Variants in NTM observed in about 807,000 individuals in gnomAD.
The protein encoded by NTM is neurotrimin.
Under a neutral mutation model 42.1 loss-of-function variants are expected in NTM, and 13 were observed. The ratio of observed to expected loss-of-function variants is 0.31; its 90% CI spans 0.20 to 0.49. The LOEUF is 0.49. Among genes scored for constraint, NTM ranks in the 20% least tolerant of loss-of-function variants. The pLI is 0.99. For missense variants in NTM, 373 were observed against 452.8 expected, an observed-to-expected ratio of 0.82 and a Z score of 1.60; for synonymous variants, 187 against 179.2, an observed-to-expected ratio of 1.04 and a Z score of -0.35.
chr11:131,435,784 C>A (rs911436604), intron 1 of NTM, among the ~76,000 whole-genome samples: 4 of 152,204 alleles, frequency 2.6e-5, no homozygotes, highest in African/African-American at 9.7e-5. Flanking sequence ...TTATTTCTTT[C>A]TCTTGCCTGA....
At chr11:131,491,119 CAA>C (rs1482047440) in intron 1 of NTM, among the ~76,000 whole-genome samples, 2 of 149,550 alleles carry the variant, frequency 1.3e-5, no homozygotes, top group African/African-American at 4.8e-5. Flanking sequence ...GAAAGAAACT[CAA>C]AGTTTTTCAA....
chr11:132,088,128 C>A (rs558372281), intron 2 of NTM, among the ~76,000 whole-genome samples: 60 of 152,118 alleles, frequency 3.9e-4, no homozygotes, highest in Non-Finnish European at 7.5e-4. Flanking sequence ...GTGGAACACC[C>A]CCAATATTGT....
intron 1 of NTM, among the ~76,000 whole-genome samples, chr11:131,571,699 G>A (rs751181444): frequency 7.9e-5 from 12 of 152,188 alleles, no homozygotes; most frequent in Non-Finnish European, 1.2e-4. Flanking sequence ...TAAAGAGCAC[G>A]GTGTAAAAAG....
intron 5 of NTM, among the ~76,000 whole-genome samples, chr11:132,309,736 A>G (rs941150149): frequency 6.6e-6 from 1 of 152,216 alleles, no homozygotes; most frequent in African/African-American, 2.4e-5. Context: ...ACTGAGAAAC[A>G]AAATCAACAA....
At chr11:131,503,980 C>T (rs1014294946) in intron 1 of NTM, among the ~76,000 whole-genome samples, 7 of 152,144 alleles carry the variant, frequency 4.6e-5, no homozygotes, top group South Asian at 2.1e-4. Flanking sequence ...TAAGGCCAGG[C>T]GGGTCAGAGC....
At chr11:131,676,133 A>AT (rs2071341371) in intron 1 of NTM, among the ~76,000 whole-genome samples, 1 of 152,128 alleles carries the variant, frequency 6.6e-6, no homozygotes, top group Non-Finnish European at 1.5e-5. Flanking sequence ...GGATAATTTG[A>AT]TTTTTAGCAA....
At chr11:131,683,917 G>A (rs911481727) in intron 1 of NTM, among the ~76,000 whole-genome samples, 6 of 152,194 alleles carry the variant, frequency 3.9e-5, no homozygotes, top group Admixed American at 6.5e-5. Flanking sequence ...TGGAGGGTGG[G>A]ATGTACTTGC....
chr11:131,910,884 CG>C, intron 1 of NTM: 1 of 985,562 alleles, frequency 1.0e-6, no homozygotes, highest in Non-Finnish European at 1.2e-6. Flanking sequence ...ATCCCGGGCC[CG>C]GATCGCACGA....
chr11:131,702,767 A>G lies in NTM; in HGVS notation c.83-208797A>G, dbSNP rs1049115731. Among the ~76,000 whole-genome samples, 3 of 152,244 alleles carry G rather than the reference A, an allele frequency of 2.0e-5. No individual in the cohort carries two copies. The East Asian group carries it at 5.8e-4, about 29-fold the overall frequency. ...GAGAGAATAATGTTGATTTTTAGCT[A>G]CAGGCAAGAAAACTGTAAAATTGAA... is the stretch of plus-strand genomic sequence containing the variant. On this transcript the variant is annotated intron_variant, in intron 1 of 8. Coordinates refer to ENST00000683400, the MANE Select transcript of NTM (RefSeq NM_001352005.2).
intron 1 of NTM, among the ~76,000 whole-genome samples, chr11:131,627,902 C>T (rs1228325658): frequency 6.6e-6 from 1 of 152,114 alleles, no homozygotes; most frequent in Non-Finnish European, 1.5e-5. Flanking sequence ...GGATTCCACT[C>T]TAGAAAACGA....
chr11:132,101,743 C>T (rs1278389207), intron 2 of NTM, among the ~76,000 whole-genome samples: 1 of 152,158 alleles, frequency 6.6e-6, no homozygotes, highest in African/African-American at 2.4e-5. Flanking sequence ...TAGGTATACA[C>T]CTCACTATCT....
chr11:131,814,180 A>G (rs1208376776), intron 1 of NTM, among the ~76,000 whole-genome samples: 2 of 152,114 alleles, frequency 1.3e-5, no homozygotes, highest in Non-Finnish European at 2.9e-5. Flanking sequence ...ACCAACACAA[A>G]AGTGGGTACA....
At chr11:131,515,683 C>T (rs1458274156) in intron 1 of NTM, among the ~76,000 whole-genome samples, 1 of 152,188 alleles carries the variant, frequency 6.6e-6, no homozygotes, top group Non-Finnish European at 1.5e-5. Context: ...AGCAATAACT[C>T]ACATGTAATA....
At position 132,030,841 on chromosome 11, in the gene NTM, A is replaced by G. The variant is rs567490648; in HGVS notation, c.168-115441A>G. 5.1e-4 allele frequency among the ~76,000 whole-genome samples: 77 copies of G among 152,332 alleles called. 1 individual carries two copies. In the South Asian group the frequency reaches 7.0e-3, roughly 14 times the overall value. ...ACTGAATTAGTCAGCTAGTGCCACA[A>G]TAGTGCTGCATAAAACTCATGGGCT... is the stretch of plus-strand genomic sequence containing the variant. On this transcript the variant is annotated intron_variant, in intron 2 of 8. Transcript: ENST00000683400.
chr11:131,977,453 C>G (rs557865490), intron 2 of NTM, among the ~76,000 whole-genome samples: 1 of 152,152 alleles, frequency 6.6e-6, no homozygotes, highest in Non-Finnish European at 1.5e-5. Flanking sequence ...ATCACTCAGG[C>G]GCATACCTCT....
At chr11:131,504,387 A>G (rs2047226489) in intron 1 of NTM, among the ~76,000 whole-genome samples, 1 of 152,142 alleles carries the variant, frequency 6.6e-6, no homozygotes, top group Non-Finnish European at 1.5e-5. Context: ...CCTGCCATAA[A>G]TCAGATAGGA....
intron 1 of NTM, among the ~76,000 whole-genome samples, chr11:131,680,041 G>A (rs1310848134): frequency 1.3e-5 from 2 of 152,164 alleles, no homozygotes; most frequent in Admixed American, 1.3e-4. Flanking sequence ...TTTTTATCGA[G>A]CTTCAGTAAA....
intron 1 of NTM, among the ~76,000 whole-genome samples, chr11:131,738,980 G>A (rs1000580589): frequency 1.3e-5 from 2 of 152,184 alleles, no homozygotes; most frequent in Non-Finnish European, 2.9e-5. Context: ...GCCAAGGGAT[G>A]TGGGCTTTGA....
At chr11:131,613,947 G>A (rs1196664211) in intron 1 of NTM, among the ~76,000 whole-genome samples, 1 of 152,174 alleles carries the variant, frequency 6.6e-6, no homozygotes, top group Admixed American at 6.5e-5. Context: ...CCCTTTGTCT[G>A]TGAAATTCTC....
Sources: gnomAD v4.1 joint callset for allele counts (sites outside exome capture counted in the v4.1 genomes callset) on GRCh38, gnomAD v4.1.1 for gene constraint, MANE v1.5 for transcripts, NCBI Gene and HGNC (gene_info 2026-07-23, HGNC 2026-07-21) for gene names.